ARMC5: variants seen among roughly 807,000 people sequenced by gnomAD.
The protein encoded by ARMC5 is armadillo repeat containing 5.
ARMC5 carries 28 observed loss-of-function variants against 60.5 expected under a neutral mutation model. That is an observed-to-expected ratio of 0.46 (90% confidence interval 0.34 to 0.63). The LOEUF is 0.63. ARMC5 is among the 30% of genes least tolerant of loss of function. ARMC5 has a pLI of 0.01. For synonymous variants in ARMC5, 680 were observed against 607.3 expected (o/e 1.12, Z -1.76); for missense variants, 1,189 against 1,304.9 (o/e 0.91, Z 1.37).
intron 3 of ARMC5, among the ~76,000 whole-genome samples, chr16:31,463,697 C>T (rs1412319733): frequency 1.3e-5 from 2 of 152,086 alleles, no homozygotes; most frequent in African/African-American, 4.8e-5. Flanking sequence ...TGTGAGCCAC[C>T]ATGCCCAGCC....
chr16:31,459,930 C>G lies in ARMC5; in HGVS notation c.406C>G (p.Leu136Val). 5 of 1,605,402 alleles carry G rather than the reference C, an allele frequency of 3.1e-6. No homozygotes were observed. The highest frequency in any genetic ancestry group is 4.2e-6 in the Non-Finnish European group (5 of 1,179,666). The change falls in exon 1 of 6, where the codon CTA (leucine) becomes GTA (valine). Residue 136 changes from leucine to valine, a missense_variant. By Grantham distance (32) the Leu-to-Val change is conservative. Coordinates refer to ENST00000268314, the MANE Select transcript of ARMC5 (RefSeq NM_001105247.2). ...GACGCTGGACTTGGCGCTCAGCATC[C>G]TAGCCGATTGCTGTACGGAAGGGGC... ...RKTLDLALSI[L>V]ADCCTEGACR... is the part of the protein sequence containing the mutation.
chr16:31,458,602 G>C, upstream of ARMC5: 2 of 1,455,590 alleles, frequency 1.4e-6, no homozygotes, highest in Non-Finnish European at 1.8e-6. Context: ...TTTGGGGCTT[G>C]TAGACGGTTG....
intron 3 of ARMC5, 111 bp downstream of exon 3, chr16:31,463,028 T>C: frequency 1.7e-6 from 2 of 1,167,504 alleles, no homozygotes; most frequent in East Asian, 5.2e-5. Context: ...AATAAGACTT[T>C]TATAACCCAG....
chr16:31,465,819 G>C, intron 4 of ARMC5, 31 bp from the exon 5 acceptor site: 1 of 1,605,898 alleles, frequency 6.2e-7, no homozygotes, highest in Non-Finnish European at 8.5e-7. Context: ...TTAGACCCCA[G>C]TTCCCAGCCT....
At position 31,459,672 on chromosome 16, in the gene ARMC5, C is replaced by G; in HGVS notation, c.148C>G (p.Arg50Gly). 6.3e-7 allele frequency: 1 copy of G among 1,580,578 alleles called. No homozygotes were observed. The highest frequency in any genetic ancestry group is 8.5e-7 in the Non-Finnish European group (1 of 1,171,510). Residue 50 changes from arginine to glycine, a missense_variant, in exon 1 of 6, where the codon CGC (arginine) becomes GGC (glycine). By Grantham distance (125) the Arg-to-Gly change is moderately radical. Transcript: ENST00000268314. ...LSRALLALRTRHIKAAGGIER... is the reference protein window; with the variant it reads ...LSRALLALRTGHIKAAGGIER... ...CCGCGCGCTCCTAGCCCTCCGCACG[C>G]GCCACATCAAGGCAGCGGGGGGAAT...
In ARMC5 at chr16:31,464,081, A is replaced by G. The variant is rs1422836357; in HGVS notation, c.1371-313A>G. 2.6e-5 allele frequency among the ~76,000 whole-genome samples: 4 copies of G among 152,184 alleles called. No individual in the cohort carries two copies. The highest frequency in any genetic ancestry group is 7.2e-5 in the African/African-American group (3 of 41,542). On this transcript the variant is annotated intron_variant, in intron 3 of 5. Transcript: ENST00000268314. The surrounding 1 kb of genome is among the most constrained non-coding windows in gnomAD (Gnocchi z 7.6). Reference sequence around the variant, plus strand: ...CAAGGCAGGAGGATCGCTTGAGCACAGGAGTCCGAGACCAGCCTGGGCAAC... The same window carrying G: ...CAAGGCAGGAGGATCGCTTGAGCACGGGAGTCCGAGACCAGCCTGGGCAAC...
chr16:31,458,397 A>G (rs1169096987), upstream of ARMC5: 2 of 1,535,582 alleles, frequency 1.3e-6, no homozygotes, highest in East Asian at 4.9e-5. Flanking sequence ...GGCCGAAGCG[A>G]TGGTCACACT....
chr16:31,464,790 G>A lies in ARMC5; in HGVS notation c.1767G>A (p.Ala589=), dbSNP rs748902046. ...AGGCCTTCGTGCGCAGCTATGGCGC[G>A]GCGCTGCTGCGGGCCTGGCTGGTGC... The part of the protein sequence containing the change: ...CLEAFVRSYG[A]ALLRAWLVLG... Residue 589 remains alanine, a synonymous_variant, in exon 4 of 6, where the codon GCG becomes GCA. Transcript: ENST00000268314. The surrounding 1 kb of genome is among the most constrained non-coding windows in gnomAD (Gnocchi z 7.6). The A allele has an allele frequency of 1.1e-5, 17 of 1,598,538 alleles. No individual in the cohort carries two copies. In the Admixed American group the frequency reaches 2.0e-4, roughly 19 times the overall value.
upstream of ARMC5, chr16:31,459,234 G>C (rs962934730): frequency 1.3e-6 from 2 of 1,532,694 alleles, no homozygotes; most frequent in Non-Finnish European, 8.7e-7. Flanking sequence ...CACCTGGAGG[G>C]CCCTGGAAGA....
At chr16:31,465,041 G>T in intron 4 of ARMC5, 154 bp downstream of exon 4, 1 of 1,613,596 alleles carries the variant, frequency 6.2e-7, no homozygotes, top group Non-Finnish European at 8.5e-7. Flanking sequence ...GGGGAGCAGG[G>T]CGTTCCAGTC....
At chr16:31,458,868 G>A (rs2082270694), upstream of ARMC5, 4 of 1,535,556 alleles carry the variant, frequency 2.6e-6, no homozygotes, top group African/African-American at 1.4e-5. Context: ...CAGCTCCTGA[G>A]CTCACGAGCA....
At chr16:31,461,738 C>G (rs924554024) in intron 1 of ARMC5, among the ~76,000 whole-genome samples, 184 bp from the exon 2 acceptor site, 1 of 152,188 alleles carries the variant, frequency 6.6e-6, no homozygotes, top group Non-Finnish European at 1.5e-5. Context: ...GAACTCCTGA[C>G]CTCAAGTGAC....
Position 31,464,901 on chromosome 16 carries a change from C to G in ARMC5, c.1864+14C>G. 2.5e-6 allele frequency: 4 copies of G among 1,607,926 alleles called. No individual in the cohort carries two copies. The highest frequency in any genetic ancestry group is 3.4e-6 in the Non-Finnish European group (4 of 1,179,664). On this transcript the variant is annotated intron_variant, in intron 4 of 5. Transcript: ENST00000268314. The surrounding 1 kb of genome is among the most constrained non-coding windows in gnomAD (Gnocchi z 7.6). ...ACCGAGAGCTGGGTGAGTTCCCATACCCACCCGTCTCCTTGCCCCCATGTG... is the reference window on the plus strand; with the variant it reads ...ACCGAGAGCTGGGTGAGTTCCCATAGCCACCCGTCTCCTTGCCCCCATGTG...
At chr16:31,459,320 C>G (rs1431928858), upstream of ARMC5, 10 of 1,535,078 alleles carry the variant, frequency 6.5e-6, no homozygotes, top group Non-Finnish European at 8.7e-6. Context: ...CCCGCACGTC[C>G]CAGGATGCGC....
In ARMC5 at chr16:31,464,203, T is replaced by A. The variant is rs762355778; in HGVS notation, c.1371-191T>A. On this transcript the variant is annotated intron_variant, in intron 3 of 5. Coordinates refer to ENST00000268314, the MANE Select transcript of ARMC5 (RefSeq NM_001105247.2). This position sits in a 1 kb window ranked among gnomAD's most constrained non-coding sequence, Gnocchi z 7.6. ...TACTTGGGAGGCTGAGGTGGGAGGATCACTTGAGCTCAGGAGTTCAAGGCT... is the reference window on the plus strand; with the variant it reads ...TACTTGGGAGGCTGAGGTGGGAGGAACACTTGAGCTCAGGAGTTCAAGGCT... Among the ~76,000 whole-genome samples, 1 of 149,074 alleles carries A rather than the reference T, an allele frequency of 6.7e-6. No individual in the cohort carries two copies. Among genetic ancestry groups the A allele is most frequent in the Non-Finnish European group, 1.5e-5 (1 of 67,718 alleles).
Position 31,459,861 on chromosome 16 carries a change from G to A in ARMC5, c.337G>A (p.Ala113Thr), listed in dbSNP as rs373860441. The A allele has an allele frequency of 2.5e-5, 40 of 1,599,834 alleles. No homozygotes were observed. In the African/African-American group the frequency reaches 4.8e-4, roughly 19 times the overall value. ...PAPASGPAPS[A>T]VSSSSPTPPV... Reference sequence around the variant, plus strand: ...CCCCGCGTCGGGCCCCGCCCCCTCCGCTGTGTCGTCGTCTAGTCCTACGCC... The same window carrying A: ...CCCCGCGTCGGGCCCCGCCCCCTCCACTGTGTCGTCGTCTAGTCCTACGCC... Residue 113 changes from alanine (A) to threonine (T), a missense_variant, in exon 1 of 6, where the codon GCT becomes ACT. Coordinates refer to ENST00000268314, the MANE Select transcript of ARMC5 (RefSeq NM_001105247.2).
chr16:31,463,320 A>G (rs1325124630), intron 3 of ARMC5, among the ~76,000 whole-genome samples: 1 of 152,134 alleles, frequency 6.6e-6, no homozygotes, highest in African/African-American at 2.4e-5. Flanking sequence ...CCTGGTCTCG[A>G]ACTCCTGACC....
Position 31,464,376 on chromosome 16 carries a change from C to T in ARMC5, c.1371-18C>T. The T allele has an allele frequency of 6.7e-7, 1 of 1,502,544 alleles. No homozygotes were observed. Among genetic ancestry groups the T allele is most frequent in the Non-Finnish European group, 8.9e-7 (1 of 1,126,462 alleles). The allele number at this position is 1,502,544 out of a possible 1,614,324, so 93.1% of individuals were successfully genotyped here. A position where few individuals can be genotyped will look rare whatever the true frequency, so the allele number is the denominator to read the frequency against. On this transcript the variant is annotated intron_variant, in intron 3 of 5. Transcript: ENST00000268314. The surrounding 1 kb of genome is among the most constrained non-coding windows in gnomAD (Gnocchi z 7.6). ...CTTGGCTCTGGGTTCAGTCTCCTTC[C>T]CTTTCTGCCCTCCGCAGGTCGTGGC...
At chr16:31,459,390 C>CA (rs1205652512), upstream of ARMC5, 1 of 1,537,146 alleles carries the variant, frequency 6.5e-7, no homozygotes, top group East Asian at 2.4e-5. Context: ...TCGAGAACTA[C>CA]AACTTCCGAC....
Sources: allele counts gnomAD v4.1 joint callset (sites outside exome capture counted in the v4.1 genomes callset), GRCh38; gene constraint gnomAD v4.1.1; non-coding constraint Gnocchi (gnomAD v3.1); transcripts MANE v1.5; gene names NCBI Gene and HGNC (gene_info 2026-07-23, HGNC 2026-07-21).